Variants in DNAH10 observed in about 807,000 individuals in gnomAD.
DNAH10 encodes axonemal beta dynein heavy chain 10.
In DNAH10, 348 loss-of-function variants were observed where a neutral mutation model predicts 506.6. The observed-to-expected ratio is 0.69, with a 90% CI of 0.63 to 0.75. The LOEUF is 0.75. Ranked by LOEUF, DNAH10 falls within the 30% of genes least tolerant of loss-of-function variation. The probability of loss-of-function intolerance (pLI) is 0.00; values close to 1 mark genes in which losing one functional copy is unlikely to be tolerated. For missense variants in DNAH10, 5,179 were observed against 5,787.1 expected (o/e 0.89, Z 3.41); for synonymous variants, 2,059 against 2,198.6 (o/e 0.94, Z 1.78).
At chr12:123,841,119 G>A (rs1021448111) in intron 29 of DNAH10, among the ~76,000 whole-genome samples, 1 of 152,232 alleles carries the variant, frequency 6.6e-6, no homozygotes. Context: ...TCTTTGCACA[G>A]TACAGAGTAA....
In DNAH10 at chr12:123,879,545, A is replaced by G. The variant is rs186695889; in HGVS notation, c.8467-89A>G. The G allele has an allele frequency of 4.2e-5, 65 of 1,547,438 alleles. No individual in the cohort carries two copies. In the African/African-American group the frequency reaches 8.4e-4, roughly 20 times the overall value. ...AAAAAAATAGAACGCAAATTATTTT[A>G]GATAATAGTACGTATCCTCTGCTCC... is the stretch of plus-strand genomic sequence containing the variant. On this transcript the variant is annotated intron_variant, in intron 49 of 78. Coordinates refer to ENST00000673944, the MANE Select transcript of DNAH10 (RefSeq NM_001372106.1).
rs1954929566 is a variant in DNAH10, at chr12:123,926,126, G to A, written c.11922-511G>A. 6.6e-6 allele frequency: 1 copy of A among 151,952 alleles called. No individual in the cohort carries two copies. The highest frequency in any genetic ancestry group is 1.5e-5 in the Non-Finnish European group (1 of 68,164). 9.4% of individuals were successfully genotyped at this position (151,952 alleles called of 1,614,324 possible). A position where few individuals can be genotyped will look rare whatever the true frequency, so the allele number is the denominator to read the frequency against. On this transcript the variant is annotated intron_variant, in intron 68 of 78. Transcript: ENST00000673944. This position sits in a 1 kb window ranked among gnomAD's most constrained non-coding sequence, Gnocchi z 4.1. ...GCACACCTGTAGTCAAGCTACTAAG[G>A]AAGCTGAGGTGGGAGGATTGCTTGA...
intron 46 of DNAH10, 135 bp downstream of exon 46, chr12:123,873,845 C>T (rs867092720): frequency 2.6e-5 from 32 of 1,219,130 alleles, no homozygotes; most frequent in East Asian, 2.2e-4. Flanking sequence ...GTACAGGCTG[C>T]GGGGAGCCAG....
intron 11 of DNAH10, 26 bp downstream of exon 11, chr12:123,790,147 T>C: frequency 6.2e-7 from 1 of 1,603,680 alleles, no homozygotes; most frequent in Non-Finnish European, 8.5e-7. Flanking sequence ...ATTGAGTCCA[T>C]CTTGGGAGTC....
chr12:123,887,065 A>T, intron 51 of DNAH10, 77 bp from the exon 52 acceptor site: 1 of 1,489,982 alleles, frequency 6.7e-7, no homozygotes, highest in Non-Finnish European at 9.0e-7. Context: ...ACTCTCCTCC[A>T]GCGTCCCCAC....
chr12:123,914,866 G>T lies in DNAH10; in HGVS notation c.10589G>T (p.Gly3530Val). The change falls in exon 62 of 79, where the codon GGC becomes GTC. Residue 3530 changes from glycine to valine, a missense_variant. By Grantham distance (109) the Gly-to-Val change is moderately radical. Coordinates refer to ENST00000673944, the MANE Select transcript of DNAH10 (RefSeq NM_001372106.1). ...DVEISRWGSQ[G>V]LPPDELSVQN... is the part of the protein sequence containing the mutation. ...GTTTCTTCCAGATGGGGATCCCAGGGCCTTCCCCCCGATGAGCTCTCCGTT... is the reference window on the plus strand; with the variant it reads ...GTTTCTTCCAGATGGGGATCCCAGGTCCTTCCCCCCGATGAGCTCTCCGTT... 2 of 1,613,396 alleles carry T rather than the reference G, an allele frequency of 1.2e-6. No homozygotes were observed. Among genetic ancestry groups the T allele is most frequent in the Non-Finnish European group, 1.7e-6 (2 of 1,179,724 alleles).
chr12:123,793,584 C>T (rs1378023621), intron 11 of DNAH10, among the ~76,000 whole-genome samples: 9 of 152,146 alleles, frequency 5.9e-5, no homozygotes, highest in East Asian at 1.9e-4. Flanking sequence ...GTGATCTGCC[C>T]GTCTCGGCCT....
At position 123,930,505 on chromosome 12, in the gene DNAH10, T is replaced by C. The variant is rs753078128; in HGVS notation, c.12716T>C (p.Phe4239Ser). 2 of 1,610,596 alleles carry C rather than the reference T, an allele frequency of 1.2e-6. No homozygotes were observed. Among genetic ancestry groups the C allele is most frequent in the Non-Finnish European group, 1.7e-6 (2 of 1,178,934 alleles). Residue 4239 changes from phenylalanine (F) to serine (S), a missense_variant, in exon 73 of 79, where the codon TTC becomes TCC. Physicochemically the swap from Phe to Ser is radical, Grantham distance 155 (BLOSUM62 -2). Transcript: ENST00000673944. ...GDFIFDTFQP[F>S]HFFRNKEVDY... ...TTCATTTTTGATACTTTCCAGCCAT[T>C]CCACTTCTTCCGGAACAAGGAAGTG...
rs1955058722 is a variant in DNAH10 at position 123,928,758 on chromosome 12, C to T, written c.12306+171C>T. On this transcript the variant is annotated intron_variant, in intron 70 of 78. Coordinates refer to ENST00000673944, the MANE Select transcript of DNAH10 (RefSeq NM_001372106.1). The surrounding 1 kb of genome is among the most constrained non-coding windows in gnomAD (Gnocchi z 4.9). ...TCCCACCTCTCTCTTTAGAGGGAGCCGCTGTCCTGGGTTGGGTGTTTGTGA... is the reference window on the plus strand; with the variant it reads ...TCCCACCTCTCTCTTTAGAGGGAGCTGCTGTCCTGGGTTGGGTGTTTGTGA... The T allele has an allele frequency of 1.6e-5, 12 of 759,982 alleles. No homozygotes were observed. Among genetic ancestry groups the T allele is most frequent in the Admixed American group, 8.7e-5 (3 of 34,666 alleles). The allele number at this position is 759,982 out of a possible 1,614,324, so 47.1% of individuals were successfully genotyped here. A position where few individuals can be genotyped will look rare whatever the true frequency, so the allele number is the denominator to read the frequency against.
intron 78 of DNAH10, 83 bp downstream of exon 78, chr12:123,934,849 C>T: frequency 6.5e-7 from 1 of 1,549,840 alleles, no homozygotes; most frequent in East Asian, 2.3e-5. Context: ...TTCCAACAGT[C>T]CTACTTTTTA....
At chr12:123,886,906 G>C (rs1460289281) in intron 51 of DNAH10, among the ~76,000 whole-genome samples, 1 of 152,160 alleles carries the variant, frequency 6.6e-6, no homozygotes, top group African/African-American at 2.4e-5. Flanking sequence ...TATGTGGCTG[G>C]CGTTCACCTT....
Position 123,909,228 on chromosome 12 carries a change from G to A in DNAH10, c.9816-33G>A. ...AGGCCAGATCCTGGCCACATCCCGG[G>A]GTTGTGACCCACGTGCCTTGGTTTC... On this transcript the variant is annotated intron_variant, in intron 57 of 78. Coordinates refer to ENST00000673944, the MANE Select transcript of DNAH10 (RefSeq NM_001372106.1). This position sits in a 1 kb window ranked among gnomAD's most constrained non-coding sequence, Gnocchi z 5.4. The A allele has an allele frequency of 2.5e-6, 4 of 1,605,122 alleles. No individual in the cohort carries two copies. The highest frequency in any genetic ancestry group is 3.4e-6 in the Non-Finnish European group (4 of 1,176,490).
At chr12:123,837,326 A>T (rs1283689226) in intron 28 of DNAH10, among the ~76,000 whole-genome samples, 3 of 149,600 alleles carry the variant, frequency 2.0e-5, no homozygotes, top group Non-Finnish European at 4.4e-5. Flanking sequence ...TGGGTGACAG[A>T]GTGAGACTCT....
At position 123,913,700 on chromosome 12, in the gene DNAH10, C is replaced by T. The variant is rs190764646; in HGVS notation, c.10352+385C>T. Among the ~76,000 whole-genome samples the T allele has an allele frequency of 9.8e-4, 150 of 152,288 alleles. No homozygotes were observed. The highest frequency in any genetic ancestry group is 1.8e-3 in the Non-Finnish European group (120 of 68,028). ...CACCGCACAGATGCCTTCTAAGGGT[C>T]CCAGTGGCTTGTTCAATCCTGGGCT... On this transcript the variant is annotated intron_variant, in intron 60 of 78. Coordinates refer to ENST00000673944, the MANE Select transcript of DNAH10 (RefSeq NM_001372106.1). This position sits in a 1 kb window ranked among gnomAD's most constrained non-coding sequence, Gnocchi z 5.1.
Position 123,924,419 on chromosome 12 carries a change from C to T in DNAH10, c.11753C>T (p.Thr3918Ile). The T allele has an allele frequency of 6.2e-7, 1 of 1,613,104 alleles. No individual in the cohort carries two copies. Among genetic ancestry groups the T allele is most frequent in the Non-Finnish European group, 8.5e-7 (1 of 1,179,236 alleles). ...CCTGATGATGTTGAGAATAATCAGA[C>T]TGTCTGGCAGGAGGTGAGCCCACGT... ...QLPDDVENNQ[T>I]VWQEWYDLDS... is the part of the protein sequence containing the mutation. Residue 3918 changes from threonine to isoleucine, a missense_variant, in exon 67 of 79, where the codon ACT (threonine) becomes ATT (isoleucine). Physicochemically the swap from Thr to Ile is moderately conservative, Grantham distance 89. This residue lies in a region of DNAH10 where 4,844 missense variants were observed against 5,430.5 expected (regional missense o/e 0.89). Transcript: ENST00000673944.
At chr12:123,901,164 C>T (rs114259793) in intron 56 of DNAH10, among the ~76,000 whole-genome samples, 2,138 of 152,376 alleles carry the variant, frequency 0.014, 53 homozygotes, top group African/African-American at 0.05. Context: ...GCTTCGCCAG[C>T]CCCCTTTGCA....
Position 123,875,425 on chromosome 12 carries a change from T to A in DNAH10, c.8133T>A (p.Asn2711Lys). 6.2e-7 allele frequency: 1 copy of A among 1,614,054 alleles called. No homozygotes were observed. Among genetic ancestry groups the A allele is most frequent in the Non-Finnish European group, 8.5e-7 (1 of 1,179,894 alleles). The change falls in exon 47 of 79, where the codon AAT becomes AAA. Residue 2711 changes from asparagine to lysine, a missense_variant. Asn to Lys is a moderately conservative substitution (Grantham distance 94). This residue lies in a region of DNAH10 where 4,844 missense variants were observed against 5,430.5 expected (regional missense o/e 0.89). Coordinates refer to ENST00000673944, the MANE Select transcript of DNAH10 (RefSeq NM_001372106.1). ...PRFISLFSVFNVPFPSEESLH... is the reference protein window; with the variant it reads ...PRFISLFSVFKVPFPSEESLH... Reference sequence around the variant, plus strand: ...TTATTTCGCTATTCAGTGTCTTCAATGTGCCATTTCCTTCAGAGGAGTCTC... The same window carrying A: ...TTATTTCGCTATTCAGTGTCTTCAAAGTGCCATTTCCTTCAGAGGAGTCTC...
rs961417637 is a variant in DNAH10, at chr12:123,787,695, G to A, written c.1422-109G>A. On this transcript the variant is annotated intron_variant, in intron 9 of 78. Transcript: ENST00000673944. This position sits in a 1 kb window ranked among gnomAD's most constrained non-coding sequence, Gnocchi z 4.6. ...TTTCCGATGAGGCCGTGAAACCAGG[G>A]GGGGCGCCCGGGTCAGAGCTTCACG... The A allele has an allele frequency of 4.4e-6, 6 of 1,351,392 alleles. No individual in the cohort carries two copies. The African/African-American group carries it at 7.3e-5, about 17-fold the overall frequency. The allele number at this position is 1,351,392 out of a possible 1,614,324, so 83.7% of individuals were successfully genotyped here. A position where few individuals can be genotyped will look rare whatever the true frequency, so the allele number is the denominator to read the frequency against.
intron 17 of DNAH10, among the ~76,000 whole-genome samples, chr12:123,804,482 A>G (rs1163919960): frequency 6.7e-6 from 1 of 148,184 alleles, no homozygotes; most frequent in Non-Finnish European, 1.5e-5. Flanking sequence ...CCCAGATCGC[A>G]CCACTGCAGC....
Sources: allele counts gnomAD v4.1 joint callset (sites outside exome capture counted in the v4.1 genomes callset), GRCh38; gene constraint gnomAD v4.1.1; regional missense constraint gnomAD v4.1.1; non-coding constraint Gnocchi (gnomAD v3.1); transcripts MANE v1.5; gene names NCBI Gene and HGNC (gene_info 2026-07-23, HGNC 2026-07-21).